The following RASA2 variants were observed in gnomAD, a reference collection of about 807,000 sequenced individuals.
RASA2 encodes the protein RAS p21 protein activator 2.
In RASA2, 155 loss-of-function variants were observed where a neutral mutation model predicts 118.2. The ratio of observed to expected loss-of-function variants is 1.31; its 90% CI spans 1.15 to 1.50. The LOEUF is 1.50. RASA2 is among the 40% of genes most tolerant of loss of function. The pLI is 0.00. For synonymous variants in RASA2, 353 were observed against 349.1 expected (o/e 1.01, Z -0.12); for missense variants, 1,016 against 1,009.6 (o/e 1.01, Z -0.09).
At chr3:141,516,673 A>G (rs1045715055) in intron 3 of RASA2, among the ~76,000 whole-genome samples, 2 of 151,944 alleles carry the variant, frequency 1.3e-5, no homozygotes, top group African/African-American at 4.8e-5. Context: ...ATAATTCCTG[A>G]TGGTTCCCTT....
chr3:141,500,981 A>G (rs1388912958), intron 1 of RASA2, among the ~76,000 whole-genome samples: 1 of 152,248 alleles, frequency 6.6e-6, no homozygotes, highest in African/African-American at 2.4e-5. Flanking sequence ...AAAGCCCAGC[A>G]GAGATTATTA....
At chr3:141,537,493 A>T (rs1277536834) in intron 4 of RASA2, among the ~76,000 whole-genome samples, 2 of 151,936 alleles carry the variant, frequency 1.3e-5, no homozygotes, top group Admixed American at 6.6e-5. Flanking sequence ...TTTAGGCTGG[A>T]TGCAGTGGCT....
intron 19 of RASA2, among the ~76,000 whole-genome samples, chr3:141,587,713 CAAAAAAAAAAAA>C (rs1156964232): frequency 1.8e-5 from 1 of 55,846 alleles, no homozygotes; most frequent in Admixed American, 1.7e-4. Context: ...GACTCCATCT[CAAAAAAAAAAAA>C]AAAAAAAAGG....
intron 2 of RASA2, among the ~76,000 whole-genome samples, chr3:141,515,859 C>T (rs1214609914): frequency 6.8e-6 from 1 of 146,710 alleles, no homozygotes; most frequent in Non-Finnish European, 1.5e-5. Flanking sequence ...GAGATCACGC[C>T]ACTGGACTCC....
rs1412691481 is a variant in RASA2 at position 141,554,040 on chromosome 3, T to C, written c.611+100T>C. On this transcript the variant is annotated intron_variant, in intron 6 of 23. Coordinates refer to ENST00000286364, the MANE Select transcript of RASA2 (RefSeq NM_006506.5). ...CGAGCAAATGATAAATAGCTATTTA[T>C]AACACACAGTAATAAATGCTTTGAA... 4.1e-6 allele frequency: 6 copies of C among 1,456,142 alleles called. No individual in the cohort carries two copies. The East Asian group carries it at 1.5e-4, about 37-fold the overall frequency. The allele number at this position is 1,456,142 out of a possible 1,614,324, so 90.2% of individuals were successfully genotyped here.
chr3:141,552,415 G>A (rs1436181002), intron 5 of RASA2, among the ~76,000 whole-genome samples: 2 of 152,120 alleles, frequency 1.3e-5, no homozygotes, highest in Non-Finnish European at 2.9e-5. Flanking sequence ...TACAAGTTAC[G>A]CTACCTCTTT....
intron 19 of RASA2, among the ~76,000 whole-genome samples, chr3:141,605,028 T>C (rs1435034350): frequency 6.6e-6 from 1 of 152,128 alleles, no homozygotes; most frequent in Non-Finnish European, 1.5e-5. Context: ...TTTACTAGCT[T>C]CCATTGCTGC....
chr3:141,523,131 C>T (rs1252956822), intron 3 of RASA2, among the ~76,000 whole-genome samples: 2 of 151,050 alleles, frequency 1.3e-5, no homozygotes, highest in African/African-American at 2.4e-5. Flanking sequence ...TAGATAATCC[C>T]ATTTTTTTTT....
chr3:141,555,579 C>T (rs1232240274), intron 6 of RASA2, among the ~76,000 whole-genome samples: 1 of 151,034 alleles, frequency 6.6e-6, no homozygotes, highest in Non-Finnish European at 1.5e-5. Flanking sequence ...GTTTTTAAAA[C>T]CCCTGAAAAA....
chr3:141,563,652 ACAC>A (rs1194580702), intron 9 of RASA2, among the ~76,000 whole-genome samples: 1 of 152,152 alleles, frequency 6.6e-6, no homozygotes, highest in Non-Finnish European at 1.5e-5. Flanking sequence ...ATGTGTTAAG[ACAC>A]TATTAATACT....
intron 1 of RASA2, among the ~76,000 whole-genome samples, chr3:141,498,451 A>G (rs913244259): frequency 5.3e-5 from 8 of 152,250 alleles, no homozygotes; most frequent in Non-Finnish European, 7.3e-5. Context: ...TTTGAATGCC[A>G]TAAGAATTTA....
At position 141,614,391 on chromosome 3, in the gene RASA2, A is replaced by C. The variant is rs1012588702; in HGVS notation, c.*2078A>C. On this transcript the variant is annotated 3_prime_UTR_variant, in exon 24 of 24. Transcript: ENST00000286364. ...GTGAAATTAAATTATTTTTCTTTGA[A>C]AGTCTTTTGAAATAAGAGACCATGT... The C allele has an allele frequency of 1.3e-5, 2 of 152,180 alleles. No individual in the cohort carries two copies. The highest frequency in any genetic ancestry group is 4.8e-5 in the African/African-American group (2 of 41,452). The allele number at this position is 152,180 out of a possible 1,614,324, so 9.4% of individuals were successfully genotyped here. A position where few individuals can be genotyped will look rare whatever the true frequency, so the allele number is the denominator to read the frequency against.
intron 7 of RASA2, among the ~76,000 whole-genome samples, chr3:141,556,330 T>TA (rs1553792528): frequency 1.3e-5 from 2 of 152,236 alleles, no homozygotes; most frequent in Non-Finnish European, 2.9e-5. Flanking sequence ...AGTCACTAAA[T>TA]GTGACTCAAG....
At chr3:141,529,867 T>TA (rs1270499889) in intron 4 of RASA2, 65 bp downstream of exon 4, 68 of 1,252,926 alleles carry the variant, frequency 5.4e-5, no homozygotes, top group Non-Finnish European at 7.2e-5. Context: ...ATGAACTAAT[T>TA]AAACTGGTTC....
In RASA2 at chr3:141,607,622, C is replaced by CT. The variant is rs372947506; in HGVS notation, c.1934-53dup. 24 of 1,486,256 alleles carry CT rather than the reference C, an allele frequency of 1.6e-5. No homozygotes were observed. In the African/African-American group the frequency reaches 1.7e-4, roughly 11 times the overall value. 92.1% of individuals were successfully genotyped at this position (1,486,256 alleles called of 1,614,324 possible). ...AAACCCTACAGAATTAACCTCTCAT[C>CT]TTTATAATTCTGATGGAAATTACTT... is the stretch of plus-strand genomic sequence containing the variant. On this transcript the variant is annotated intron_variant, in intron 19 of 23. Coordinates refer to ENST00000286364, the MANE Select transcript of RASA2 (RefSeq NM_006506.5).
chr3:141,600,363 T>A, intron 19 of RASA2: 3 of 509,120 alleles, frequency 5.9e-6, no homozygotes, highest in Non-Finnish European at 1.2e-5. Flanking sequence ...TGATGAGGGT[T>A]CTTGTCGGAG....
intron 1 of RASA2, among the ~76,000 whole-genome samples, chr3:141,491,716 C>T (rs1269716632): frequency 6.6e-6 from 1 of 152,060 alleles, no homozygotes; most frequent in Non-Finnish European, 1.5e-5. Flanking sequence ...GCCAAAGTTG[C>T]CTTGTTAGGA....
chr3:141,536,322 C>T (rs541384252), intron 4 of RASA2, among the ~76,000 whole-genome samples: 29 of 152,250 alleles, frequency 1.9e-4, no homozygotes, highest in Admixed American at 3.9e-4. Flanking sequence ...TTCACTATTA[C>T]GAGAATAGCA....
At chr3:141,511,339 C>T (rs1419818718) in intron 1 of RASA2, among the ~76,000 whole-genome samples, 1 of 151,922 alleles carries the variant, frequency 6.6e-6, no homozygotes, top group Non-Finnish European at 1.5e-5. Flanking sequence ...GGGAGGCGTT[C>T]GCATTAACAC....
Sources: gnomAD v4.1 joint callset for allele counts (sites outside exome capture counted in the v4.1 genomes callset) on GRCh38, gnomAD v4.1.1 for gene constraint, MANE v1.5 for transcripts, NCBI Gene and HGNC (gene_info 2026-07-23, HGNC 2026-07-21) for gene names.